The following LRIT2 variants were observed in gnomAD, a reference collection of about 807,000 sequenced individuals.
The protein encoded by LRIT2 is leucine rich repeat, Ig-like and transmembrane domains 2.
A neutral mutation model predicts 22.4 loss-of-function variants in LRIT2; 23 were observed. That is an observed-to-expected ratio of 1.03 (90% CI 0.74 to 1.45). The LOEUF (loss-of-function observed/expected upper bound fraction) is 1.45. LRIT2 is among the 40% of genes most tolerant of loss of function. LRIT2 has a pLI of 0.00. For missense variants in LRIT2, 784 were observed against 665.6 expected (o/e 1.18, Z -1.96); for synonymous variants, 291 against 267.1 (o/e 1.09, Z -0.87).
Position 84,224,488 on chromosome 10 carries a change from TCA to T in LRIT2, c.735_736del (p.Glu246AlafsTer2). The T allele has an allele frequency of 2.5e-6, 4 of 1,614,160 alleles. No homozygotes were observed. The highest frequency in any genetic ancestry group is 3.4e-6 in the Non-Finnish European group (4 of 1,180,028). On this transcript the variant is annotated frameshift_variant, in exon 2 of 3. Transcript: ENST00000372113. LOFTEE classifies it high-confidence loss of function. ...CTGTGGCTTCATGCAAGCACTAAGC[TCA>T]GTTTCATGAAAAAGCTGCCCTGCCT...
In LRIT2 at chr10:84,224,494, T is replaced by G. The variant is rs765767709; in HGVS notation, c.731A>C (p.Glu244Ala). ...CTTCATGCAAGCACTAAGCTCAGTT[T>G]CATGAAAAAGCTGCCCTGCCTTGGA... Reference protein sequence around the residue: ...PLSKAGQLFHETELSACMKPQ... With the variant: ...PLSKAGQLFHATELSACMKPQ... Residue 244 changes from glutamate to alanine, a missense_variant, in exon 2 of 3, where the codon GAA becomes GCA. Physicochemically the swap from Glu to Ala is moderately radical, Grantham distance 107. Coordinates refer to ENST00000372113, the MANE Select transcript of LRIT2 (RefSeq NM_001017924.5). 6.2e-7 allele frequency: 1 copy of G among 1,614,242 alleles called. No homozygotes were observed. Among genetic ancestry groups the G allele is most frequent in the Admixed American group, 1.7e-5 (1 of 60,026 alleles).
Position 84,222,063 on chromosome 10 carries a change from T to C in LRIT2, c.1510A>G (p.Arg504Gly), listed in dbSNP as rs747366884. 7 of 1,611,042 alleles carry C rather than the reference T, an allele frequency of 4.3e-6. No homozygotes were observed. The African/African-American group carries it at 9.3e-5, about 21-fold the overall frequency. The change falls in exon 3 of 3, where the codon AGG (arginine) becomes GGG (glycine). Residue 504 changes from arginine to glycine, a missense_variant. By Grantham distance (125) the Arg-to-Gly change is moderately radical (BLOSUM62 -2). Coordinates refer to ENST00000372113, the MANE Select transcript of LRIT2 (RefSeq NM_001017924.5). ...KWVLRGCLHR[R>G]KAPSCTPAAP... ...GCAGGGGTGCAGCTGGGGGCTTTCC[T>C]GCGATGAAGACAGCCGCGCAGGACC...
At chr10:84,225,563 C>T (rs748161485), upstream of LRIT2, 233 of 1,595,150 alleles carry the variant, frequency 1.5e-4, 1 homozygote, top group South Asian at 3.9e-4. Context: ...GAATAAGTAT[C>T]GCCCCAGCTT....
In LRIT2 at chr10:84,224,840, G is replaced by A; in HGVS notation, c.385C>T (p.Leu129=). 2 of 1,614,180 alleles carry A rather than the reference G, an allele frequency of 1.2e-6. No individual in the cohort carries two copies. Among genetic ancestry groups the A allele is most frequent in the South Asian group, 2.2e-5 (2 of 91,086 alleles). ...TTGCGTTTGAGATCCAAGACCCTCA[G>A]GAGAGGGGTGGCACGGAACGCTGTC... is the stretch of plus-strand genomic sequence containing the variant. ...PWTAFRATPL[L]RVLDLKRNKI... is the part of the protein sequence containing the mutation. Residue 129 remains leucine (L), a synonymous_variant, in exon 2 of 3, where the codon CTG becomes TTG. Coordinates refer to ENST00000372113, the MANE Select transcript of LRIT2 (RefSeq NM_001017924.5).
In LRIT2 at chr10:84,220,673, A is replaced by T. The variant is rs548006281; in HGVS notation, c.*1247T>A. The T allele has an allele frequency of 6.6e-6, 1 of 152,344 alleles. No individual in the cohort carries two copies. Among genetic ancestry groups the T allele is most frequent in the Admixed American group, 6.5e-5 (1 of 15,298 alleles). The allele number at this position is 152,344 out of a possible 1,614,324, so 9.4% of individuals were successfully genotyped here. On this transcript the variant is annotated 3_prime_UTR_variant, in exon 3 of 3. Coordinates refer to ENST00000372113, the MANE Select transcript of LRIT2 (RefSeq NM_001017924.5). ...ACGAGTGCAGTGGCCACCGTGAGGAAGGTCAGTCTTTGCCTGCAAATGTCT... is the reference window on the plus strand; with the variant it reads ...ACGAGTGCAGTGGCCACCGTGAGGATGGTCAGTCTTTGCCTGCAAATGTCT...
At position 84,221,677 on chromosome 10, in the gene LRIT2, A is replaced by T. The variant is rs1400372576; in HGVS notation, c.*243T>A. ...TCTAATCACCATGTATAATAAAATGATTAATTTGATGGACAAATCTTCATT... is the reference window on the plus strand; with the variant it reads ...TCTAATCACCATGTATAATAAAATGTTTAATTTGATGGACAAATCTTCATT... On this transcript the variant is annotated 3_prime_UTR_variant, in exon 3 of 3. Coordinates refer to ENST00000372113, the MANE Select transcript of LRIT2 (RefSeq NM_001017924.5). The T allele has an allele frequency of 1.3e-5, 5 of 385,074 alleles. No individual in the cohort carries two copies. The highest frequency in any genetic ancestry group is 6.1e-5 in the African/African-American group (3 of 48,804). The allele number at this position is 385,074 out of a possible 1,614,324, so 23.9% of individuals were successfully genotyped here.
Position 84,224,400 on chromosome 10 carries a change from C to T in LRIT2, c.825G>A (p.Leu275=), listed in dbSNP as rs753854696. 1.9e-6 allele frequency: 3 copies of T among 1,614,106 alleles called. No homozygotes were observed. Among genetic ancestry groups the T allele is most frequent in the South Asian group, 2.2e-5 (2 of 91,090 alleles). ...RAGQNVTLRC[L]AQASPSPSIA... ...TGGATGGTGAGGGGCTGGCCTGTGC[C>T]AAGCATCGCAGGGTCACATTCTGTC... The change falls in exon 2 of 3, where the codon TTG becomes TTA. Residue 275 remains leucine (L), a synonymous_variant. Transcript: ENST00000372113.
intron 2 of LRIT2, 178 bp from the exon 3 acceptor site, chr10:84,222,858 C>T: frequency 1.4e-6 from 1 of 732,166 alleles, no homozygotes; most frequent in South Asian, 1.5e-5. Context: ...CCCAGCAATC[C>T]TGTAAGATAA....
chr10:84,225,452 G>GA lies in LRIT2; in HGVS notation c.68dup (p.Cys24LeufsTer32). ...CTGAGCAAGTGCATCCTGGCAGACA[G>GA]AAAGGCTGAGCTGCGTGTGTATCCA... On this transcript the variant is annotated frameshift_variant, in exon 1 of 3. Coordinates refer to ENST00000372113, the MANE Select transcript of LRIT2 (RefSeq NM_001017924.5). LOFTEE classifies it high-confidence loss of function. 6.2e-7 allele frequency: 1 copy of GA among 1,614,206 alleles called. No homozygotes were observed. Among genetic ancestry groups the GA allele is most frequent in the Non-Finnish European group, 8.5e-7 (1 of 1,180,046 alleles).
Position 84,224,729 on chromosome 10 carries a change from C to G in LRIT2, c.496G>C (p.Val166Leu), listed in dbSNP as rs753424764. 6.2e-7 allele frequency: 1 copy of G among 1,614,044 alleles called. No individual in the cohort carries two copies. Residue 166 changes from valine to leucine, a missense_variant, in exon 2 of 3, where the codon GTA becomes CTA. Physicochemically the swap from Val to Leu is conservative, Grantham distance 32. Transcript: ENST00000372113. ...CAGTTCAGGAAGACACTCTTGGATACAACTGTAAGCCTATTGGAGGATAGG... is the reference window on the plus strand; with the variant it reads ...CAGTTCAGGAAGACACTCTTGGATAGAACTGTAAGCCTATTGGAGGATAGG... ...LDLSSNRLTV[V>L]SKSVFLNWPA...
chr10:84,221,109 C>A lies in LRIT2; in HGVS notation c.*811G>T, dbSNP rs4933982. On this transcript the variant is annotated 3_prime_UTR_variant, in exon 3 of 3. Coordinates refer to ENST00000372113, the MANE Select transcript of LRIT2 (RefSeq NM_001017924.5). ...ACATTGACTAGGGGAAAGCAGCGGA[C>A]GTATGGGTGCTCTTCCTTCTGGGTA... 6.6e-6 allele frequency: 1 copy of A among 152,008 alleles called. No homozygotes were observed. The highest frequency in any genetic ancestry group is 1.9e-4 in the East Asian group (1 of 5,190). 9.4% of individuals were successfully genotyped at this position (152,008 alleles called of 1,614,324 possible). A position where few individuals can be genotyped will look rare whatever the true frequency, so the allele number is the denominator to read the frequency against.
intron 1 of LRIT2, 57 bp from the exon 2 acceptor site, chr10:84,225,171 T>A: frequency 6.8e-7 from 1 of 1,473,234 alleles, no homozygotes; most frequent in Non-Finnish European, 9.2e-7. Flanking sequence ...AAAAGTGGGG[T>A]CAGGCTGATC....
At position 84,225,406 on chromosome 10, in the gene LRIT2, C is replaced by A; in HGVS notation, c.110+5G>T. The A allele has an allele frequency of 6.2e-7, 1 of 1,613,572 alleles. No individual in the cohort carries two copies. The highest frequency in any genetic ancestry group is 8.5e-7 in the Non-Finnish European group (1 of 1,179,812). ...ACCCTCTAACATCTGGCCAGCAGAGCGCACCTGCCAAAACTCTCCTCTGAG... is the reference window on the plus strand; with the variant it reads ...ACCCTCTAACATCTGGCCAGCAGAGAGCACCTGCCAAAACTCTCCTCTGAG... On this transcript the variant is annotated splice_donor_5th_base_variant and intron_variant, in intron 1 of 2. Transcript: ENST00000372113.
intron 2 of LRIT2, chr10:84,222,983 A>G (rs574383432): frequency 1.9e-5 from 12 of 645,072 alleles, no homozygotes; most frequent in African/African-American, 1.6e-4. Flanking sequence ...CAATCTATGA[A>G]GACCATACTC....
At position 84,222,514 on chromosome 10, in the gene LRIT2, A is replaced by G; in HGVS notation, c.1059T>C (p.Pro353=). The G allele has an allele frequency of 2.5e-6, 4 of 1,613,976 alleles. No homozygotes were observed. The highest frequency in any genetic ancestry group is 2.5e-6 in the Non-Finnish European group (3 of 1,180,022). The change falls in exon 3 of 3, where the codon CCT becomes CCC. Residue 353 remains proline (P), a synonymous_variant. Transcript: ENST00000372113. The part of the protein sequence containing the change: ...HVQPAQALHA[P]DSLSIPSEGN... ...CCTCCGAGGGGATGGAAAGAGAATC[A>G]GGTGCATGTAGGGCCTGGGCAGGCT...
At chr10:84,225,269 C>G in intron 1 of LRIT2, 142 bp downstream of exon 1, 1 of 1,216,310 alleles carries the variant, frequency 8.2e-7, no homozygotes, top group Non-Finnish European at 1.1e-6. Context: ...ATGCACAGTT[C>G]AGCAAAGTTC....
rs776866024 is a variant in LRIT2, at chr10:84,224,977, T to C, written c.248A>G (p.Tyr83Cys). The C allele has an allele frequency of 6.2e-7, 1 of 1,614,046 alleles. No homozygotes were observed. Among genetic ancestry groups the C allele is most frequent in the Non-Finnish European group, 8.5e-7 (1 of 1,180,006 alleles). Residue 83 changes from tyrosine to cysteine, a missense_variant, in exon 2 of 3, where the codon TAC (tyrosine) becomes TGC (cysteine). Coordinates refer to ENST00000372113, the MANE Select transcript of LRIT2 (RefSeq NM_001017924.5). ...GATATTGTTAAAATTGAGCCAGAGG[T>C]ATTCCAAGGTGCTCATGTTGATGAA... ...GSFINMSTLE[Y>C]LWLNFNNISV...
At position 84,224,740 on chromosome 10, in the gene LRIT2, C is replaced by G. The variant is rs745843628; in HGVS notation, c.485G>C (p.Arg162Thr). ...SLTYLDLSSN[R>T]LTVVSKSVFL... ...GACACTCTTGGATACAACTGTAAGCCTATTGGAGGATAGGTCAAGGTAGGT... is the reference window on the plus strand; with the variant it reads ...GACACTCTTGGATACAACTGTAAGCGTATTGGAGGATAGGTCAAGGTAGGT... Residue 162 changes from arginine to threonine, a missense_variant, in exon 2 of 3, where the codon AGG (arginine) becomes ACG (threonine). Physicochemically the swap from Arg to Thr is moderately conservative, Grantham distance 71 (BLOSUM62 -1). Coordinates refer to ENST00000372113, the MANE Select transcript of LRIT2 (RefSeq NM_001017924.5). 5 of 1,614,136 alleles carry G rather than the reference C, an allele frequency of 3.1e-6. No homozygotes were observed. Among genetic ancestry groups the G allele is most frequent in the Non-Finnish European group, 4.2e-6 (5 of 1,180,030 alleles).
intron 2 of LRIT2, among the ~76,000 whole-genome samples, chr10:84,223,446 C>A (rs1842530834): frequency 6.6e-6 from 1 of 151,792 alleles, no homozygotes; most frequent in Non-Finnish European, 1.5e-5. Flanking sequence ...AATGCCAAAC[C>A]AATAAGGTAT....
Sources: gnomAD v4.1 joint callset for allele counts (sites outside exome capture counted in the v4.1 genomes callset) on GRCh38, gnomAD v4.1.1 for gene constraint, MANE v1.5 for transcripts, NCBI Gene and HGNC (gene_info 2026-07-23, HGNC 2026-07-21) for gene names.